Variants in NBAS observed in about 807,000 individuals in gnomAD.
NBAS encodes NBAS subunit of NRZ tethering complex.
NBAS carries 219 observed loss-of-function variants against 302.5 expected under a neutral mutation model. That is an observed-to-expected ratio of 0.72 (90% CI 0.65 to 0.81). The LOEUF (loss-of-function observed/expected upper bound fraction) is 0.81, where lower values mean the gene tolerates loss of function less well. Ranked by LOEUF, NBAS falls within the 30% of genes least tolerant of loss-of-function variation. NBAS has a pLI of 0.00. For missense variants in NBAS, 2,932 were observed against 2,841.6 expected (o/e 1.03, Z -0.72); for synonymous variants, 1,118 against 1,021.6 (o/e 1.09, Z -1.80).
At chr2:15,353,386 G>A (rs960662519) in intron 34 of NBAS, among the ~76,000 whole-genome samples, 167 bp downstream of exon 34, 2 of 152,068 alleles carry the variant, frequency 1.3e-5, no homozygotes, top group Non-Finnish European at 2.9e-5. Context: ...GCAACATTAT[G>A]TTATATCCTA....
intron 35 of NBAS, among the ~76,000 whole-genome samples, chr2:15,339,750 G>C (rs1187465573): frequency 6.6e-6 from 1 of 152,134 alleles, no homozygotes; most frequent in Non-Finnish European, 1.5e-5. Context: ...TAATAACACA[G>C]AGAAAGAGCA....
At chr2:15,140,788 T>A in the NBAS span, among the ~76,000 whole-genome samples, 2 of 152,186 alleles carry the variant, frequency 1.3e-5, no homozygotes, top group Non-Finnish European at 2.9e-5. Flanking sequence ...AGAAAGGAAG[T>A]GAAAAAGTAT....
intron 32 of NBAS, among the ~76,000 whole-genome samples, chr2:15,360,028 G>A (rs768976292): frequency 6.6e-6 from 1 of 152,080 alleles, no homozygotes; most frequent in African/African-American, 2.4e-5. Context: ...AATACTATGG[G>A]CAACTGGAAT....
the NBAS span, among the ~76,000 whole-genome samples, chr2:15,046,340 T>C: frequency 6.6e-6 from 1 of 152,224 alleles, no homozygotes; most frequent in Non-Finnish European, 1.5e-5. Context: ...CCAATTCATA[T>C]AGTCTTAAAA....
the NBAS span, among the ~76,000 whole-genome samples, chr2:14,938,306 T>C: frequency 1.3e-5 from 2 of 152,172 alleles, no homozygotes; most frequent in Admixed American, 6.5e-5. Flanking sequence ...CAGATACATA[T>C]ACATACACAC....
chr2:14,851,646 A>T, the NBAS span, among the ~76,000 whole-genome samples: 1 of 113,320 alleles, frequency 8.8e-6, no homozygotes, highest in African/African-American at 5.6e-5. Context: ...ATTTTAGACC[A>T]ATATCCTTGA....
chr2:15,443,214 G>C (rs1678532027), intron 21 of NBAS, among the ~76,000 whole-genome samples: 1 of 151,998 alleles, frequency 6.6e-6, no homozygotes, highest in Non-Finnish European at 1.5e-5. Flanking sequence ...AAGAATTTTA[G>C]ACCAATATCC....
chr2:15,062,845 C>CT, the NBAS span, among the ~76,000 whole-genome samples: 1 of 152,134 alleles, frequency 6.6e-6, no homozygotes, highest in African/African-American at 2.4e-5. Context: ...CAGAAGGAAA[C>CT]TAAGCAGTCA....
chr2:14,885,885 T>TA, the NBAS span, among the ~76,000 whole-genome samples: 2 of 152,116 alleles, frequency 1.3e-5, no homozygotes, highest in Admixed American at 1.3e-4. Flanking sequence ...GTGGTAATCC[T>TA]AAAAAAACAG....
the NBAS span, among the ~76,000 whole-genome samples, chr2:14,867,355 A>G: frequency 1.3e-5 from 2 of 152,166 alleles, no homozygotes; most frequent in Non-Finnish European, 2.9e-5. Flanking sequence ...GTTTGCTAAC[A>G]ATCTGAAAAG....
At chr2:15,236,386 A>C (rs1049736301) in intron 45 of NBAS, among the ~76,000 whole-genome samples, 1 of 151,820 alleles carries the variant, frequency 6.6e-6, no homozygotes, top group African/African-American at 2.4e-5. Flanking sequence ...TGTCCCTACA[A>C]AAAATACAAA....
intron 48 of NBAS, among the ~76,000 whole-genome samples, chr2:15,213,995 T>A (rs958155889): frequency 6.6e-6 from 1 of 152,172 alleles, no homozygotes; most frequent in African/African-American, 2.4e-5. Context: ...CAGCAAACTA[T>A]GGCAAACTAA....
At position 15,265,373 on chromosome 2, in the gene NBAS, T is replaced by C. The variant is rs1177508002; in HGVS notation, c.5724+10111A>G. ...ACCCTCAGACCAGAGATGATAATAC[T>C]TGCTTAATAATCACCCTCACAAGAT... On this transcript the variant is annotated intron_variant, in intron 44 of 51. Coordinates refer to ENST00000281513, the MANE Select transcript of NBAS (RefSeq NM_015909.4). Among the ~76,000 whole-genome samples, 3 of 152,198 alleles carry C rather than the reference T, an allele frequency of 2.0e-5. No individual in the cohort carries two copies. In the East Asian group the frequency reaches 5.8e-4, roughly 29 times the overall value.
chr2:14,931,127 A>G, the NBAS span, among the ~76,000 whole-genome samples: 1 of 152,378 alleles, frequency 6.6e-6, no homozygotes, highest in African/African-American at 2.4e-5. Context: ...GGATTTCCCA[A>G]CACCAGATTT....
At chr2:14,929,667 C>A in the NBAS span, among the ~76,000 whole-genome samples, 2 of 152,074 alleles carry the variant, frequency 1.3e-5, no homozygotes, top group Admixed American at 6.5e-5. Flanking sequence ...GGTAAGCCAC[C>A]ACTCCCAGTC....
chr2:15,395,727 A>G (rs1057317795), intron 27 of NBAS, among the ~76,000 whole-genome samples: 1 of 152,092 alleles, frequency 6.6e-6, no homozygotes, highest in African/African-American at 2.4e-5. Context: ...ACAATTATAT[A>G]TTGGAAGACC....
the NBAS span, among the ~76,000 whole-genome samples, chr2:14,788,679 G>A: frequency 1.4e-4 from 22 of 152,266 alleles, no homozygotes; most frequent in African/African-American, 5.3e-4. Flanking sequence ...TCGTTCCTCT[G>A]GAAGTTTTGT....
the NBAS span, among the ~76,000 whole-genome samples, chr2:15,013,790 T>A: frequency 3.3e-5 from 5 of 151,756 alleles, no homozygotes; most frequent in Non-Finnish European, 5.9e-5. Context: ...ACCTCAAAAA[T>A]TAATTAATTA....
the NBAS span, among the ~76,000 whole-genome samples, chr2:14,807,763 C>T: frequency 6.6e-6 from 1 of 152,146 alleles, no homozygotes; most frequent in Admixed American, 6.5e-5. Flanking sequence ...TCAATACCTA[C>T]ATGAGCCACA....
Sources: gnomAD v4.1 joint callset for allele counts (sites outside exome capture counted in the v4.1 genomes callset) on GRCh38, gnomAD v4.1.1 for gene constraint, MANE v1.5 for transcripts, NCBI Gene and HGNC (gene_info 2026-07-23, HGNC 2026-07-21) for gene names.